CDH19: variants seen among roughly 807,000 people sequenced by gnomAD.
CDH19 encodes the protein cadherin-19.
In CDH19, 67 loss-of-function variants were observed where a neutral mutation model predicts 64.2. That is an observed-to-expected ratio of 1.04 (90% CI 0.86 to 1.28). The LOEUF (loss-of-function observed/expected upper bound fraction) is 1.28. Ranked by LOEUF, CDH19 falls within the 50% of genes most tolerant of loss-of-function variation. The pLI is 0.00. For synonymous variants in CDH19, 346 were observed against 319.3 expected, an observed-to-expected ratio of 1.08 and a Z score of -0.89; for missense variants, 1,030 against 929.0, an observed-to-expected ratio of 1.11 and a Z score of -1.41.
intron 7 of CDH19, among the ~76,000 whole-genome samples, chr18:66,538,675 G>A (rs1986771510): frequency 6.6e-6 from 1 of 152,076 alleles, no homozygotes; most frequent in Non-Finnish European, 1.5e-5. Flanking sequence ...GGCTGAAAAC[G>A]ATAAATTAAC....
At chr18:66,530,767 A>G (rs954196385) in intron 8 of CDH19, among the ~76,000 whole-genome samples, 1 of 152,126 alleles carries the variant, frequency 6.6e-6, no homozygotes, top group African/African-American at 2.4e-5. Context: ...ATACTGGATA[A>G]TTCTTAGTTT....
intron 1 of CDH19, among the ~76,000 whole-genome samples, chr18:66,592,864 C>T (rs1014873424): frequency 6.6e-6 from 1 of 151,800 alleles, no homozygotes; most frequent in Non-Finnish European, 1.5e-5. Context: ...CATTGGAATG[C>T]AGATATATTT....
At chr18:66,580,070 T>C (rs913580848) in intron 1 of CDH19, among the ~76,000 whole-genome samples, 6 of 152,088 alleles carry the variant, frequency 3.9e-5, no homozygotes, top group African/African-American at 7.2e-5. Context: ...ATGCTTAAAA[T>C]ATACGTATTA....
intron 1 of CDH19, among the ~76,000 whole-genome samples, chr18:66,577,639 T>G (rs1988304591): frequency 6.6e-6 from 1 of 151,942 alleles, no homozygotes; most frequent in African/African-American, 2.4e-5. Context: ...CAAAGTGCAC[T>G]TGTTAAAAAC....
At chr18:66,603,782 C>CA (rs1599052946) in intron 1 of CDH19, among the ~76,000 whole-genome samples, 172 bp downstream of exon 1, 1 of 152,196 alleles carries the variant, frequency 6.6e-6, no homozygotes, top group East Asian at 1.9e-4. Flanking sequence ...AGTACAAGTA[C>CA]ACATCATGGT....
intron 7 of CDH19, among the ~76,000 whole-genome samples, chr18:66,537,867 G>A (rs556287854): frequency 2.6e-5 from 4 of 151,970 alleles, no homozygotes; most frequent in Admixed American, 1.3e-4. Flanking sequence ...ATACCCATGC[G>A]TACAAACACA....
At chr18:66,556,771 A>G (rs1051558302) in intron 3 of CDH19, among the ~76,000 whole-genome samples, 4 of 151,978 alleles carry the variant, frequency 2.6e-5, no homozygotes, top group African/African-American at 9.7e-5. Flanking sequence ...TATTTCTCCA[A>G]CGAAGACACA....
intron 9 of CDH19, among the ~76,000 whole-genome samples, chr18:66,522,402 C>T (rs1414534406): frequency 5.9e-5 from 9 of 152,068 alleles, no homozygotes; most frequent in African/African-American, 2.2e-4. Flanking sequence ...GCCCATTCGC[C>T]ACTACGCCCG....
intron 9 of CDH19, among the ~76,000 whole-genome samples, chr18:66,515,877 C>G (rs987464826): frequency 2.6e-5 from 4 of 151,806 alleles, no homozygotes; most frequent in African/African-American, 9.7e-5. Flanking sequence ...GCACTCCAAG[C>G]AATCCTATGC....
At position 66,544,210 on chromosome 18, in the gene CDH19, C is replaced by T; in HGVS notation, c.975G>A (p.Glu325=). Residue 325 remains glutamate, a synonymous_variant, in exon 7 of 12, where the codon GAG becomes GAA. Coordinates refer to ENST00000262150, the MANE Select transcript of CDH19 (RefSeq NM_021153.4). Reference sequence around the variant, plus strand: ...CTCTAATACCGTAGTGGTTCTGGTGCTCAAAATCCACTTTCTGCAAAGAAA... The same window carrying T: ...CTCTAATACCGTAGTGGTTCTGGTGTTCAAAATCCACTTTCTGCAAAGAAA... The part of the protein sequence containing the change: ...IVILKKKVDF[E]HQNHYGIRAK... 1 of 1,612,376 alleles carries T rather than the reference C, an allele frequency of 6.2e-7. No homozygotes were observed. Among genetic ancestry groups the T allele is most frequent in the Non-Finnish European group, 8.5e-7 (1 of 1,179,278 alleles).
intron 1 of CDH19, among the ~76,000 whole-genome samples, chr18:66,599,849 T>C (rs947877506): frequency 1.3e-5 from 2 of 151,866 alleles, no homozygotes; most frequent in African/African-American, 4.8e-5. Context: ...ATGTGTATGG[T>C]ATAAAACAAA....
intron 1 of CDH19, among the ~76,000 whole-genome samples, chr18:66,586,586 G>T (rs1367886151): frequency 1.3e-5 from 2 of 151,796 alleles, no homozygotes; most frequent in African/African-American, 2.4e-5. Flanking sequence ...TCTATAAACA[G>T]TCCCCTTTCA....
intron 1 of CDH19, among the ~76,000 whole-genome samples, chr18:66,597,818 A>G (rs1988941286): frequency 6.6e-6 from 1 of 152,114 alleles, no homozygotes. Context: ...AGACATGCAC[A>G]CAGCCAACAA....
At chr18:66,526,775 T>C (rs1297001528) in intron 9 of CDH19, among the ~76,000 whole-genome samples, 1 of 152,012 alleles carries the variant, frequency 6.6e-6, no homozygotes, top group Non-Finnish European at 1.5e-5. Context: ...AGATTGTGTA[T>C]TGAAAGTTTG....
At chr18:66,561,072 C>T (rs1987705005) in intron 3 of CDH19, among the ~76,000 whole-genome samples, 1 of 151,858 alleles carries the variant, frequency 6.6e-6, no homozygotes, top group African/African-American at 2.4e-5. Context: ...TCATACAGTG[C>T]CTTTGGGTTA....
chr18:66,511,281 A>G (rs144431624), intron 10 of CDH19, among the ~76,000 whole-genome samples: 173 of 151,848 alleles, frequency 1.1e-3, no homozygotes, highest in African/African-American at 4.1e-3. Flanking sequence ...CTGTGGTGTC[A>G]GAACTGCAAT....
chr18:66,540,639 G>C (rs1986852768), intron 7 of CDH19, among the ~76,000 whole-genome samples: 1 of 152,062 alleles, frequency 6.6e-6, no homozygotes, highest in African/African-American at 2.4e-5. Context: ...AGCTATCTGG[G>C]TTCCACTTTA....
intron 3 of CDH19, among the ~76,000 whole-genome samples, chr18:66,555,221 T>C (rs2144525667): frequency 6.6e-6 from 1 of 152,024 alleles, no homozygotes; most frequent in South Asian, 2.1e-4. Context: ...TATTGAGTTT[T>C]CAAAGTATCT....
Position 66,568,618 on chromosome 18 carries a change from T to C in CDH19, c.288A>G (p.Thr96=), listed in dbSNP as rs746601574. The C allele has an allele frequency of 2.5e-6, 4 of 1,611,814 alleles. No homozygotes were observed. The highest frequency in any genetic ancestry group is 3.4e-6 in the Non-Finnish European group (4 of 1,178,578). ...GCTTCTGTATGGCATATATGTCACCTGTTCTTTCATCAATGATAAAAGTAC... is the reference window on the plus strand; with the variant it reads ...GCTTCTGTATGGCATATATGTCACCCGTTCTTTCATCAATGATAAAAGTAC... ...AGSTFIIDER[T]GDIYAIQKLD... The change falls in exon 3 of 12, where the codon ACA becomes ACG. Residue 96 remains threonine, a synonymous_variant. Coordinates refer to ENST00000262150, the MANE Select transcript of CDH19 (RefSeq NM_021153.4).
Sources: allele counts gnomAD v4.1 joint callset (sites outside exome capture counted in the v4.1 genomes callset), GRCh38; gene constraint gnomAD v4.1.1; transcripts MANE v1.5; gene names NCBI Gene and HGNC (gene_info 2026-07-23, HGNC 2026-07-21).